ROBO2: variants seen among roughly 807,000 people sequenced by gnomAD.
The protein encoded by ROBO2 is roundabout homolog 2.
A neutral mutation model predicts 160.8 loss-of-function variants in ROBO2; 53 were observed. The observed-to-expected ratio is 0.33, with a 90% CI of 0.26 to 0.41. The LOEUF (loss-of-function observed/expected upper bound fraction) is 0.41. ROBO2 is among the 10% of genes least tolerant of loss of function. ROBO2 has a pLI of 1.00. For missense variants in ROBO2, 1,577 were observed against 1,722.4 expected (o/e 0.92, Z 1.49); for synonymous variants, 664 against 611.7 (o/e 1.09, Z -1.26).
At chr3:76,837,348 T>C (rs1467336905) in intron 2 of ROBO2, among the ~76,000 whole-genome samples, 1 of 151,894 alleles carries the variant, frequency 6.6e-6, no homozygotes. Context: ...AATAAGGAAT[T>C]TATAAGAAAA....
intron 2 of ROBO2, among the ~76,000 whole-genome samples, chr3:76,840,181 T>A (rs2068084773): frequency 6.6e-6 from 1 of 152,206 alleles, no homozygotes; most frequent in Non-Finnish European, 1.5e-5. Flanking sequence ...TTCAATTTAA[T>A]GTATTTCTGC....
At chr3:76,103,602 C>T (rs913557769) in intron 2 of ROBO2, among the ~76,000 whole-genome samples, 14 of 152,224 alleles carry the variant, frequency 9.2e-5, no homozygotes, top group African/African-American at 3.4e-4. Flanking sequence ...AGACTGTCCA[C>T]GTACATACTG....
chr3:76,763,232 A>G (rs2061400894), intron 2 of ROBO2, among the ~76,000 whole-genome samples: 1 of 151,762 alleles, frequency 6.6e-6, no homozygotes, highest in African/African-American at 2.4e-5. Flanking sequence ...AGACAAGTTG[A>G]AAGCATTTGT....
At chr3:77,544,458 A>G (rs894830951) in intron 6 of ROBO2, among the ~76,000 whole-genome samples, 6 of 152,116 alleles carry the variant, frequency 3.9e-5, no homozygotes, top group African/African-American at 1.4e-4. Context: ...GATTTATCCC[A>G]TCTGTCCCTG....
intron 1 of ROBO2, among the ~76,000 whole-genome samples, chr3:77,048,235 A>G (rs1348381038): frequency 1.3e-5 from 2 of 152,198 alleles, no homozygotes; most frequent in Non-Finnish European, 2.9e-5. Context: ...GCATGTTAGG[A>G]CAATTTTAAT....
At chr3:77,450,165 T>C (rs2080977557) in intron 2 of ROBO2, among the ~76,000 whole-genome samples, 1 of 152,126 alleles carries the variant, frequency 6.6e-6, no homozygotes, top group Non-Finnish European at 1.5e-5. Context: ...TAATTGCATA[T>C]TTGAGTCAGC....
At position 76,196,643 on chromosome 3, in the gene ROBO2, A is replaced by G. The variant is rs764897817; in HGVS notation, c.109+259041A>G. On this transcript the variant is annotated intron_variant, in intron 2 of 26. Coordinates refer to the ROBO2 transcript ENST00000487694. ...TAATGTCTTATTCCTGTCTTTTTGC[A>G]TGAAAAAAAGTAAATTCTGTAAGGA... is the stretch of plus-strand genomic sequence containing the variant. 2.0e-5 allele frequency among the ~76,000 whole-genome samples: 3 copies of G among 152,170 alleles called. No homozygotes were observed. In the South Asian group the frequency reaches 6.2e-4, roughly 32 times the overall value.
At chr3:77,322,367 A>G (rs955589183) in intron 2 of ROBO2, among the ~76,000 whole-genome samples, 18 of 152,170 alleles carry the variant, frequency 1.2e-4, no homozygotes, top group Middle Eastern at 3.2e-3. Flanking sequence ...AGTTCGCTTC[A>G]ACAGAGGTCT....
chr3:77,252,831 A>AAAAAAAAAAAATATATATATATAT, intron 2 of ROBO2, among the ~76,000 whole-genome samples: 1 of 12,520 alleles, frequency 8.0e-5, no homozygotes, highest in African/African-American at 1.6e-4. Flanking sequence ...AAAAAAAAAA[A>AAAAAAAAAAAATATATATATATAT]ATATATATAT....
intron 2 of ROBO2, among the ~76,000 whole-genome samples, chr3:76,582,733 T>C (rs2085780604): frequency 6.6e-6 from 1 of 152,142 alleles, no homozygotes; most frequent in Admixed American, 6.5e-5. Flanking sequence ...TCAGTATGGT[T>C]AGAGTCACAT....
At chr3:77,162,429 A>G (rs1173357844) in intron 2 of ROBO2, among the ~76,000 whole-genome samples, 3 of 152,236 alleles carry the variant, frequency 2.0e-5, no homozygotes, top group African/African-American at 7.2e-5. Flanking sequence ...GTATCGTGCT[A>G]GGAAAAGAAT....
intron 2 of ROBO2, among the ~76,000 whole-genome samples, chr3:76,366,323 CATTT>C (rs1159618419): frequency 6.6e-6 from 1 of 152,000 alleles, no homozygotes; most frequent in Non-Finnish European, 1.5e-5. Flanking sequence ...CACTGCATTT[CATTT>C]ATTTATCTCT....
At chr3:77,352,430 CCA>C (rs1161521302) in intron 2 of ROBO2, among the ~76,000 whole-genome samples, 1 of 151,928 alleles carries the variant, frequency 6.6e-6, no homozygotes, top group East Asian at 1.9e-4. Flanking sequence ...CAGCATCAGC[CCA>C]GAGAGAGACA....
chr3:76,974,449 T>C (rs1406483378), intron 2 of ROBO2, among the ~76,000 whole-genome samples: 1 of 152,164 alleles, frequency 6.6e-6, no homozygotes, highest in Non-Finnish European at 1.5e-5. Context: ...ATATGCATTA[T>C]TTTTCATCTG....
At chr3:76,175,119 A>G (rs765107876) in intron 2 of ROBO2, among the ~76,000 whole-genome samples, 6 of 151,780 alleles carry the variant, frequency 4.0e-5, no homozygotes, top group Non-Finnish European at 4.4e-5. Context: ...TATTCTTTGT[A>G]GCAATTGCGA....
intron 2 of ROBO2, among the ~76,000 whole-genome samples, chr3:77,324,933 A>C (rs541627680): frequency 6.6e-6 from 1 of 152,332 alleles, no homozygotes; most frequent in African/African-American, 2.4e-5. Flanking sequence ...GTGCCACCTT[A>C]GAAGTGATAT....
intron 2 of ROBO2, among the ~76,000 whole-genome samples, chr3:77,293,262 A>G (rs13090691): frequency 0.064 from 7,999 of 124,708 alleles, 683 homozygotes; most frequent in African/African-American, 0.2. Flanking sequence ...ACGGTTATAC[A>G]GGTAAGCTGA....
rs57920315 is a variant in ROBO2, at chr3:76,624,796, C to CAAAAAAA, written c.110-473186_110-473180dup. Reference sequence around the variant, plus strand: ...TGAGTGACAGAGTGAGACTCCGTCTCAAAAAAAAAAAAAAAAAAAAAAAAA... The same window carrying CAAAAAAA: ...TGAGTGACAGAGTGAGACTCCGTCTCAAAAAAAAAAAAAAAAAAAAAAAAAAAAAAAA... On this transcript the variant is annotated intron_variant, in intron 2 of 26. Coordinates refer to the ROBO2 transcript ENST00000487694. Among the ~76,000 whole-genome samples, 129 of 46,332 alleles carry CAAAAAAA rather than the reference C, an allele frequency of 2.8e-3. 15 individuals are homozygous for CAAAAAAA. Among genetic ancestry groups the CAAAAAAA allele is most frequent in the Non-Finnish European group, 3.1e-3 (89 of 29,126 alleles). 30.4% of individuals were successfully genotyped at this position (46,332 alleles called of 152,430 possible).
intron 2 of ROBO2, among the ~76,000 whole-genome samples, chr3:76,864,881 G>A (rs917757384): frequency 2.6e-5 from 4 of 151,986 alleles, no homozygotes; most frequent in Non-Finnish European, 5.9e-5. Flanking sequence ...ATTAAAAATG[G>A]CAAATGACAA....
Sources: allele counts gnomAD v4.1 joint callset (sites outside exome capture counted in the v4.1 genomes callset), GRCh38; gene constraint gnomAD v4.1.1; transcripts MANE v1.5; gene names NCBI Gene and HGNC (gene_info 2026-07-23, HGNC 2026-07-21).